Variants in MNS1 observed in about 807,000 individuals in gnomAD.
MNS1 encodes the protein meiosis specific nuclear structural 1, also known as meiosis-specific nuclear structural protein 1.
MNS1 carries 63 observed loss-of-function variants against 72.0 expected under a neutral mutation model. The ratio of observed to expected loss-of-function variants is 0.87; its 90% confidence interval spans 0.71 to 1.08. MNS1 has a LOEUF of 1.08. MNS1 is among the 50% of genes least tolerant of loss of function. The probability of loss-of-function intolerance (pLI) is 0.00; values close to 1 mark genes in which losing one functional copy is unlikely to be tolerated. For synonymous variants in MNS1, 188 were observed against 172.1 expected (o/e 1.09, Z -0.72); for missense variants, 604 against 562.4 (o/e 1.07, Z -0.75).
chr15:56,439,550 A>C (rs1230653736), intron 7 of MNS1, among the ~76,000 whole-genome samples: 5 of 152,160 alleles, frequency 3.3e-5, no homozygotes, highest in Non-Finnish European at 7.4e-5. Flanking sequence ...TAGAGACCAC[A>C]GGAATAGACC....
chr15:56,430,421 G>C (rs1208691316), intron 9 of MNS1, among the ~76,000 whole-genome samples: 2 of 152,086 alleles, frequency 1.3e-5, no homozygotes, highest in Non-Finnish European at 2.9e-5. Flanking sequence ...TCCCAGGCTG[G>C]TCTTGAACTC....
intron 8 of MNS1, among the ~76,000 whole-genome samples, chr15:56,433,277 GA>G (rs2050648914): frequency 6.6e-6 from 1 of 151,754 alleles, no homozygotes; most frequent in East Asian, 1.9e-4. Flanking sequence ...GGGACAAGGG[GA>G]AGGGAGAGCA....
intron 7 of MNS1, among the ~76,000 whole-genome samples, chr15:56,435,547 T>A (rs1276263817): frequency 6.6e-6 from 1 of 151,984 alleles, no homozygotes; most frequent in Admixed American, 6.6e-5. Context: ...CAAATTATTA[T>A]ACACACATAA....
At chr15:56,444,414 A>T (rs1160117967) in intron 5 of MNS1, 30 bp downstream of exon 5, 2 of 1,564,992 alleles carry the variant, frequency 1.3e-6, no homozygotes, top group East Asian at 4.5e-5. Flanking sequence ...GTAAACATTT[A>T]GACATGTAAG....
At position 56,460,003 on chromosome 15, in the gene MNS1, A is replaced by ATATATATATATATAT. The variant is rs1243035397; in HGVS notation, c.226-3483_226-3482insATATATATATATATA. 3.7e-4 allele frequency among the ~76,000 whole-genome samples: 12 copies of ATATATATATATATAT among 32,852 alleles called. 1 individual carries two copies. Among genetic ancestry groups the ATATATATATATATAT allele is most frequent in the African/African-American group, 1.4e-3 (12 of 8,850 alleles). The allele number at this position is 32,852 out of a possible 152,430, so 21.6% of individuals were successfully genotyped here. Reference sequence around the variant, plus strand: ...GAAATTCTGTCTCAAAAAAAAAAAAAAAAAAAATACATATATATATATATA... The same window carrying ATATATATATATATAT: ...GAAATTCTGTCTCAAAAAAAAAAAAATATATATATATATATAAAAAAATACATATATATATATATA... On this transcript the variant is annotated intron_variant, in intron 2 of 9. Transcript: ENST00000260453.
intron 2 of MNS1, among the ~76,000 whole-genome samples, chr15:56,458,435 A>AT (rs2050994838): frequency 6.6e-6 from 1 of 152,152 alleles, no homozygotes; most frequent in South Asian, 2.1e-4. Flanking sequence ...ACACTCAGTA[A>AT]ACCTGTATTT....
chr15:56,431,776 G>A (rs2050603895), intron 8 of MNS1, among the ~76,000 whole-genome samples: 1 of 151,862 alleles, frequency 6.6e-6, no homozygotes, highest in African/African-American at 2.4e-5. Context: ...AATATTCAAA[G>A]GAGTGACTGC....
chr15:56,463,123 G>T (rs1443853934), intron 2 of MNS1, among the ~76,000 whole-genome samples: 4 of 152,052 alleles, frequency 2.6e-5, no homozygotes, highest in Non-Finnish European at 4.4e-5. Context: ...ATATTTATGA[G>T]AATTCACTTC....
At chr15:56,436,312 C>T (rs375251012) in intron 7 of MNS1, among the ~76,000 whole-genome samples, 22 of 152,204 alleles carry the variant, frequency 1.4e-4, no homozygotes, top group East Asian at 5.8e-4. Flanking sequence ...TCACTCAAAA[C>T]CGCTCAGCTA....
intron 7 of MNS1, 88 bp from the exon 8 acceptor site, chr15:56,434,483 G>C: frequency 7.5e-7 from 1 of 1,340,068 alleles, no homozygotes; most frequent in East Asian, 2.3e-5. Context: ...GTTAAATTTA[G>C]TATTACAATA....
At chr15:56,455,474 A>C (rs1401757004) in intron 3 of MNS1, among the ~76,000 whole-genome samples, 1 of 152,186 alleles carries the variant, frequency 6.6e-6, no homozygotes, top group Non-Finnish European at 1.5e-5. Context: ...AAGGTTCAAA[A>C]TCCATGAAGC....
Position 56,464,247 on chromosome 15 carries a change from C to T in MNS1, c.4G>A (p.Gly2Ser), listed in dbSNP as rs2051043455. 6.4e-7 allele frequency: 1 copy of T among 1,572,998 alleles called. No homozygotes were observed. Among genetic ancestry groups the T allele is most frequent in the Non-Finnish European group, 8.6e-7 (1 of 1,165,862 alleles). MGSKRRNLSCSE... is the reference protein window; with the variant it reads MSSKRRNLSCSE... Reference sequence around the variant, plus strand: ...CAGCTCAAATTTCTCCTTTTGGAACCCTACGATGGAAGAAAAAAAAAGATG... The same window carrying T: ...CAGCTCAAATTTCTCCTTTTGGAACTCTACGATGGAAGAAAAAAAAAGATG... The change falls in exon 2 of 10, where the codon GGT (glycine) becomes AGT (serine). Residue 2 changes from glycine to serine, a missense_variant and splice_region_variant. By Grantham distance (56) the Gly-to-Ser change is moderately conservative (BLOSUM62 0). Transcript: ENST00000260453.
chr15:56,442,513 A>G (rs1596260911), intron 7 of MNS1, among the ~76,000 whole-genome samples: 1 of 152,342 alleles, frequency 6.6e-6, no homozygotes, highest in East Asian at 1.9e-4. Context: ...GGTGGACTGG[A>G]TAAATAAAAT....
At chr15:56,441,655 A>G (rs1449772184) in intron 7 of MNS1, among the ~76,000 whole-genome samples, 1 of 152,240 alleles carries the variant, frequency 6.6e-6, no homozygotes, top group Non-Finnish European at 1.5e-5. Context: ...TTTGCAAACT[A>G]TGCATCTGAC....
chr15:56,431,582 TTAGA>T, intron 8 of MNS1, 84 bp from the exon 9 acceptor site: 2 of 1,363,834 alleles, frequency 1.5e-6, no homozygotes, highest in Non-Finnish European at 2.0e-6. Flanking sequence ...ATGCAATGAA[TTAGA>T]TAAAATTGAT....
At chr15:56,452,188 T>A (rs77150558) in intron 3 of MNS1, among the ~76,000 whole-genome samples, 1 of 152,178 alleles carries the variant, frequency 6.6e-6, no homozygotes, top group Non-Finnish European at 1.5e-5. Context: ...GGACTCAGCA[T>A]ATAGTTATAC....
At chr15:56,436,117 C>A (rs888308749) in intron 7 of MNS1, among the ~76,000 whole-genome samples, 1 of 152,152 alleles carries the variant, frequency 6.6e-6, no homozygotes, top group Non-Finnish European at 1.5e-5. Context: ...TAATAGACAT[C>A]TACAGAACTC....
intron 2 of MNS1, among the ~76,000 whole-genome samples, chr15:56,462,445 C>CA (rs2051029519): frequency 6.6e-6 from 1 of 151,914 alleles, no homozygotes; most frequent in Admixed American, 6.6e-5. Context: ...GTATTCTTGC[C>CA]AAAAAAGGTG....
At chr15:56,442,201 C>T (rs2050827630) in intron 7 of MNS1, among the ~76,000 whole-genome samples, 1 of 151,990 alleles carries the variant, frequency 6.6e-6, no homozygotes, top group East Asian at 1.9e-4. Flanking sequence ...TCACATCAGT[C>T]AGAATGGCTA....
Sources: allele counts gnomAD v4.1 joint callset (sites outside exome capture counted in the v4.1 genomes callset), GRCh38; gene constraint gnomAD v4.1.1; transcripts MANE v1.5; gene names NCBI Gene and HGNC (gene_info 2026-07-23, HGNC 2026-07-21).